The following CEP85L variants were observed in gnomAD, a reference collection of about 807,000 sequenced individuals.
The protein encoded by CEP85L is centrosomal protein 85L, also known as centrosomal protein of 85 kDa-like.
In CEP85L, 60 loss-of-function variants were observed where a neutral mutation model predicts 100.3. The ratio of observed to expected loss-of-function variants is 0.60; its 90% CI spans 0.49 to 0.74. CEP85L has a LOEUF of 0.74. CEP85L is among the 30% of genes least tolerant of loss of function. CEP85L has a pLI of 0.00. For missense variants in CEP85L, 973 were observed against 936.2 expected (o/e 1.04, Z -0.51); for synonymous variants, 319 against 322.7 (o/e 0.99, Z 0.12).
chr6:118,689,552 G>A (rs1776961312), intron 1 of CEP85L, among the ~76,000 whole-genome samples: 1 of 152,154 alleles, frequency 6.6e-6, no homozygotes. Context: ...ATTTGCTGTG[G>A]AATGAGAAAT....
chr6:118,582,611 T>A (rs919067175), intron 2 of CEP85L, among the ~76,000 whole-genome samples: 1 of 152,198 alleles, frequency 6.6e-6, no homozygotes, highest in Non-Finnish European at 1.5e-5. Flanking sequence ...AAGGAAGCAC[T>A]TCTTAAGGTC....
intron 3 of CEP85L, among the ~76,000 whole-genome samples, chr6:118,564,381 G>T (rs1415571262): frequency 6.6e-6 from 1 of 152,110 alleles, no homozygotes; most frequent in Non-Finnish European, 1.5e-5. Flanking sequence ...ACTAAAACTT[G>T]ACAGTATTTG....
At chr6:118,571,627 T>C (rs1258619831) in intron 2 of CEP85L, among the ~76,000 whole-genome samples, 2 of 152,058 alleles carry the variant, frequency 1.3e-5, no homozygotes, top group Non-Finnish European at 2.9e-5. Context: ...CTTCTGATAG[T>C]AATAAGGAAT....
intron 3 of CEP85L, among the ~76,000 whole-genome samples, chr6:118,531,641 A>G (rs1223092427): frequency 3.3e-5 from 5 of 152,210 alleles, no homozygotes; most frequent in East Asian, 1.9e-4. Flanking sequence ...TCCACAATCT[A>G]TAAGGAACTT....
At chr6:118,632,199 C>G (rs1056834779) in intron 2 of CEP85L, among the ~76,000 whole-genome samples, 1 of 152,132 alleles carries the variant, frequency 6.6e-6, no homozygotes, top group African/African-American at 2.4e-5. Flanking sequence ...TTGTATTAGA[C>G]AAGATGGTCT....
At chr6:118,658,288 T>G (rs1775864784) in intron 1 of CEP85L, among the ~76,000 whole-genome samples, 1 of 152,242 alleles carries the variant, frequency 6.6e-6, no homozygotes, top group Non-Finnish European at 1.5e-5. Context: ...ATATTATTAT[T>G]CATCTGGCAA....
intron 10 of CEP85L, among the ~76,000 whole-genome samples, chr6:118,476,486 A>T (rs1299027553): frequency 6.6e-6 from 1 of 152,224 alleles, no homozygotes; most frequent in Non-Finnish European, 1.5e-5. Flanking sequence ...AAAATAGGAG[A>T]TAAACATCAC....
rs1013875028 is a variant in CEP85L, at chr6:118,523,699, A to C, written c.1139+103T>G. On this transcript the variant is annotated intron_variant, in intron 4 of 12. Transcript: ENST00000368491. ...GAGATGTGACATCAATGAATCTGTA[A>C]GGTTCTAGATCTTAAATTCTATGTA... 1.9e-5 allele frequency: 10 copies of C among 523,940 alleles called. No individual in the cohort carries two copies. The African/African-American group carries it at 2.0e-4, about 10-fold the overall frequency. 32.5% of individuals were successfully genotyped at this position (523,940 alleles called of 1,614,324 possible).
chr6:118,481,780 T>G lies in CEP85L; in HGVS notation c.1744A>C (p.Ser582Arg). 1 of 1,562,490 alleles carries G rather than the reference T, an allele frequency of 6.4e-7. No homozygotes were observed. Among genetic ancestry groups the G allele is most frequent in the Non-Finnish European group, 8.7e-7 (1 of 1,154,928 alleles). The change falls in exon 8 of 13, where the codon AGT becomes CGT. Residue 582 changes from serine (S) to arginine (R), a missense_variant and splice_region_variant. Coordinates refer to ENST00000368491, the MANE Select transcript of CEP85L (RefSeq NM_001042475.3). ...KEKELVTTVQ[S>R]LQQKVERCLE... is the part of the protein sequence containing the mutation. ...GAAGGATTCAGAAAATTTTCTTACC[T>G]CTGAACGGTAGTTACTAACTCCTTT...
intron 1 of CEP85L, among the ~76,000 whole-genome samples, chr6:118,640,916 T>C (rs922915167): frequency 6.6e-6 from 1 of 152,182 alleles, no homozygotes; most frequent in Non-Finnish European, 1.5e-5. Flanking sequence ...ATAGAAATTT[T>C]CCAGAAGGAT....
At chr6:118,683,672 G>C (rs1278050519) in intron 1 of CEP85L, among the ~76,000 whole-genome samples, 1 of 152,216 alleles carries the variant, frequency 6.6e-6, no homozygotes, top group African/African-American at 2.4e-5. Context: ...GTGATTAACA[G>C]CTGGATGTAA....
intron 3 of CEP85L, among the ~76,000 whole-genome samples, chr6:118,556,975 C>G (rs1242446346): frequency 6.6e-6 from 1 of 152,016 alleles, no homozygotes; most frequent in African/African-American, 2.4e-5. Flanking sequence ...CTTGTGGGAT[C>G]TCTGAAAGAA....
intron 1 of CEP85L, among the ~76,000 whole-genome samples, chr6:118,701,674 G>A (rs1034804449): frequency 6.6e-6 from 1 of 152,148 alleles, no homozygotes; most frequent in Non-Finnish European, 1.5e-5. Context: ...TGGGTGCTAT[G>A]TTCAGTACCT....
intron 1 of CEP85L, among the ~76,000 whole-genome samples, chr6:118,692,760 A>ATTGTC (rs1179671124): frequency 1.4e-4 from 9 of 62,594 alleles, no homozygotes; most frequent in Non-Finnish European, 2.0e-4. Flanking sequence ...CAGAAGAAAC[A>ATTGTC]AGACATAGAT....
intron 1 of CEP85L, among the ~76,000 whole-genome samples, chr6:118,683,274 T>G (rs993286031): frequency 3.3e-5 from 5 of 152,204 alleles, no homozygotes; most frequent in Admixed American, 2.6e-4. Flanking sequence ...CAGACAGCTT[T>G]CTTTTGGGGA....
intron 2 of CEP85L, among the ~76,000 whole-genome samples, chr6:118,616,613 T>C (rs1773066698): frequency 7.2e-6 from 1 of 139,470 alleles, no homozygotes; most frequent in South Asian, 2.3e-4. Context: ...ACCACTACAC[T>C]ACAGCCTGGG....
chr6:118,706,567 C>T (rs961800968), intron 1 of CEP85L, among the ~76,000 whole-genome samples: 12 of 152,192 alleles, frequency 7.9e-5, no homozygotes, highest in Admixed American at 5.2e-4. Context: ...ATGAAACATA[C>T]ATTTGAACCT....
intron 1 of CEP85L, among the ~76,000 whole-genome samples, chr6:118,669,267 G>A (rs1408254797): frequency 6.6e-6 from 1 of 152,160 alleles, no homozygotes; most frequent in Non-Finnish European, 1.5e-5. Context: ...ATGCGTTTCA[G>A]TTGCTTACCA....
chr6:118,592,752 G>A (rs1781262319), intron 2 of CEP85L, among the ~76,000 whole-genome samples: 1 of 152,022 alleles, frequency 6.6e-6, no homozygotes, highest in East Asian at 1.9e-4. Flanking sequence ...TAAATAAATA[G>A]TAAATGCTCA....
Sources: gnomAD v4.1 joint callset for allele counts (sites outside exome capture counted in the v4.1 genomes callset) on GRCh38, gnomAD v4.1.1 for gene constraint, MANE v1.5 for transcripts, NCBI Gene and HGNC (gene_info 2026-07-23, HGNC 2026-07-21) for gene names.